The following BANP variants were observed in gnomAD, a reference collection of about 807,000 sequenced individuals.
BANP encodes protein BANP.
In BANP, 11 loss-of-function variants were observed where a neutral mutation model predicts 68.1. The ratio of observed to expected loss-of-function variants is 0.16; its 90% CI spans 0.10 to 0.27. BANP has a LOEUF of 0.27. Ranked by LOEUF, BANP falls within the 10% of genes least tolerant of loss-of-function variation. The pLI is 1.00. For missense variants in BANP, 504 were observed against 722.7 expected (o/e 0.70, Z 3.47); for synonymous variants, 329 against 303.2 (o/e 1.09, Z -0.88).
At chr16:88,066,766 C>A (rs746826408) in intron 12 of BANP, among the ~76,000 whole-genome samples, 1 of 152,184 alleles carries the variant, frequency 6.6e-6, no homozygotes, top group African/African-American at 2.4e-5. Context: ...CCAAACCTTG[C>A]CTACATTGCC....
At chr16:88,020,354 C>T (rs867336851) in intron 7 of BANP, among the ~76,000 whole-genome samples, 2 of 152,222 alleles carry the variant, frequency 1.3e-5, no homozygotes, top group African/African-American at 2.4e-5. Context: ...TAGGGCATGG[C>T]GTGGCCAGGA....
intron 6 of BANP, among the ~76,000 whole-genome samples, chr16:88,010,273 CT>C (rs1285041272): frequency 6.6e-6 from 1 of 152,222 alleles, no homozygotes; most frequent in African/African-American, 2.4e-5. Flanking sequence ...TAAATTTCTG[CT>C]GTGTATGCAT....
At chr16:87,962,921 C>T (rs958094053) in intron 1 of BANP, among the ~76,000 whole-genome samples, 4 of 152,222 alleles carry the variant, frequency 2.6e-5, no homozygotes, top group African/African-American at 9.7e-5. Flanking sequence ...TTGACTTCTT[C>T]ATGTCAGTTC....
intron 6 of BANP, among the ~76,000 whole-genome samples, chr16:88,017,691 C>T (rs374538556): frequency 2.1e-4 from 32 of 152,162 alleles, no homozygotes; most frequent in Middle Eastern, 3.2e-3. Context: ...ACTCCATCGT[C>T]ACAGGAGTGT....
At position 88,033,016 on chromosome 16, in the gene BANP, G is replaced by A. The variant is rs996162351; in HGVS notation, c.1064-93G>A. On this transcript the variant is annotated intron_variant, in intron 8 of 13. Transcript: ENST00000682872. Reference sequence around the variant, plus strand: ...GCATTTCCTCTTCTCTGCTGTGGGAGTCGACAGTGGGGGACGGGGGTGCAC... The same window carrying A: ...GCATTTCCTCTTCTCTGCTGTGGGAATCGACAGTGGGGGACGGGGGTGCAC... 57 of 1,340,506 alleles carry A rather than the reference G, an allele frequency of 4.3e-5. No individual in the cohort carries two copies. The Admixed American group carries it at 8.9e-4, about 21-fold the overall frequency. 83.0% of individuals were successfully genotyped at this position (1,340,506 alleles called of 1,614,324 possible). A position where few individuals can be genotyped will look rare whatever the true frequency, so the allele number is the denominator to read the frequency against.
At chr16:87,953,108 G>T (rs940157426) in intron 1 of BANP, among the ~76,000 whole-genome samples, 8 of 151,944 alleles carry the variant, frequency 5.3e-5, no homozygotes, top group Non-Finnish European at 8.8e-5. Flanking sequence ...TATAGATGAG[G>T]TGACTAGGCC....
At position 88,071,175 on chromosome 16, in the gene BANP, C is replaced by G. The variant is rs890680990; in HGVS notation, c.1378-894C>G. 6.3e-6 allele frequency: 2 copies of G among 316,856 alleles called. No individual in the cohort carries two copies. The highest frequency in any genetic ancestry group is 1.2e-5 in the Non-Finnish European group (2 of 162,068). The allele number at this position is 316,856 out of a possible 1,614,324, so 19.6% of individuals were successfully genotyped here. ...AGGGCCACCGGTGAGACTCTCAGTG[C>G]ACAGAGTGCGGTTCTGTGTGGAGGT... On this transcript the variant is annotated intron_variant, in intron 12 of 13. Transcript: ENST00000682872. The surrounding 1 kb of genome is among the most constrained non-coding windows in gnomAD (Gnocchi z 6.5).
At chr16:87,978,072 G>A (rs954377941) in intron 2 of BANP, among the ~76,000 whole-genome samples, 1 of 152,198 alleles carries the variant, frequency 6.6e-6, no homozygotes, top group Admixed American at 6.5e-5. Context: ...CTGACCTCAG[G>A]TGATCCACTC....
Position 88,006,087 on chromosome 16 carries a change from T to C in BANP, c.480-3T>C. On this transcript the variant is annotated splice_polypyrimidine_tract_variant and splice_region_variant and intron_variant, in intron 5 of 13. Coordinates refer to ENST00000682872, the MANE Select transcript of BANP (RefSeq NM_001386991.1). The stretch of plus-strand genomic sequence containing the variant: ...GGGCTGGTGTGTTTTTTTTCCCGTT[T>C]AGCGCTGTGCCTGGGCGTCGGCAGA... 3 of 1,613,792 alleles carry C rather than the reference T, an allele frequency of 1.9e-6. No individual in the cohort carries two copies. The highest frequency in any genetic ancestry group is 2.2e-5 in the East Asian group (1 of 44,864).
chr16:87,982,531 C>T (rs371252006), intron 3 of BANP: 5 of 152,356 alleles, frequency 3.3e-5, no homozygotes, highest in African/African-American at 1.2e-4. Context: ...GCATGTTTGT[C>T]ATGCCAGGGA....
intron 1 of BANP, among the ~76,000 whole-genome samples, chr16:87,973,489 G>A (rs1006222858): frequency 3.3e-5 from 5 of 152,136 alleles, no homozygotes; most frequent in South Asian, 2.1e-4. Context: ...GGCCGGGCGC[G>A]GTGGCTCACG....
chr16:87,986,687 C>T (rs2064515477), intron 4 of BANP, among the ~76,000 whole-genome samples: 1 of 152,296 alleles, frequency 6.6e-6, no homozygotes, highest in East Asian at 1.9e-4. Flanking sequence ...CACAGACCTG[C>T]CGTGGCAGAA....
In BANP at chr16:87,975,157, A is replaced by C; in HGVS notation, c.42A>C (p.Ala14=). The C allele has an allele frequency of 6.2e-7, 1 of 1,614,178 alleles. No homozygotes were observed. The highest frequency in any genetic ancestry group is 1.1e-5 in the South Asian group (1 of 91,082). The change falls in exon 2 of 14, where the codon GCA becomes GCC. Residue 14 remains alanine, a synonymous_variant. Transcript: ENST00000682872. ...ACCTGGCCGATGTGGTTCAGATTGCAGTGGAAGACCTGAGCCCTGACCACC... is the reference window on the plus strand; with the variant it reads ...ACCTGGCCGATGTGGTTCAGATTGCCGTGGAAGACCTGAGCCCTGACCACC... ...EHDLADVVQI[A]VEDLSPDHPV...
At chr16:88,035,054 T>G (rs1387348042) in intron 9 of BANP, 2 of 440,458 alleles carry the variant, frequency 4.5e-6, no homozygotes, top group Non-Finnish European at 4.2e-6. Flanking sequence ...AAGCATAGCA[T>G]ATATGGGGTT....
chr16:88,007,245 ATG>A (rs1281396667), intron 6 of BANP, among the ~76,000 whole-genome samples: 1 of 152,044 alleles, frequency 6.6e-6, no homozygotes, highest in East Asian at 1.9e-4. Context: ...CTGTGTTTTC[ATG>A]TCTCTTGGAT....
chr16:88,035,413 C>A lies in BANP; in HGVS notation c.1272+19C>A. On this transcript the variant is annotated intron_variant, in intron 10 of 13. Transcript: ENST00000682872. ...CAGCGAGGTGAGTCAGCTCTCGCTG[C>A]AGCACTGTCCCTGCAGGCACCGTGC... is the stretch of plus-strand genomic sequence containing the variant. 6.3e-7 allele frequency: 1 copy of A among 1,593,948 alleles called. No homozygotes were observed.
intron 4 of BANP, among the ~76,000 whole-genome samples, chr16:87,987,712 C>CAGAAAAAAAAAA (rs2064813815): frequency 3.3e-5 from 1 of 30,368 alleles, no homozygotes; most frequent in Non-Finnish European, 5.8e-5. Flanking sequence ...GACCCTAACT[C>CAGAAAAAAAAAA]AAAAAAAAAA....
At chr16:87,997,816 A>G (rs1412195012) in intron 4 of BANP, among the ~76,000 whole-genome samples, 1 of 152,270 alleles carries the variant, frequency 6.6e-6, no homozygotes. Context: ...GCTCAGCAGA[A>G]TCAGGACTGT....
At chr16:87,973,874 G>A (rs553268084) in intron 1 of BANP, among the ~76,000 whole-genome samples, 1 of 152,208 alleles carries the variant, frequency 6.6e-6, no homozygotes, top group South Asian at 2.1e-4. Context: ...TGAAGGACAC[G>A]GGTGAGGCCT....
Sources: allele counts gnomAD v4.1 joint callset (sites outside exome capture counted in the v4.1 genomes callset), GRCh38; gene constraint gnomAD v4.1.1; non-coding constraint Gnocchi (gnomAD v3.1); transcripts MANE v1.5; gene names NCBI Gene and HGNC (gene_info 2026-07-23, HGNC 2026-07-21).